Variants in SPIDR observed in about 807,000 individuals in gnomAD.
SPIDR encodes the protein scaffold protein involved in DNA repair.
Under a neutral mutation model 104.6 loss-of-function variants are expected in SPIDR, and 93 were observed. The observed-to-expected ratio is 0.89, with a 90% CI of 0.75 to 1.06. The LOEUF (loss-of-function observed/expected upper bound fraction) is 1.06, where lower values mean the gene tolerates loss of function less well. SPIDR is among the 50% of genes least tolerant of loss of function. SPIDR has a pLI of 0.00. For missense variants in SPIDR, 1,154 were observed against 1,111.2 expected (o/e 1.04, Z -0.55); for synonymous variants, 431 against 416.9 (o/e 1.03, Z -0.41).
chr8:47,605,475 A>G (rs1013170736), intron 10 of SPIDR, among the ~76,000 whole-genome samples: 1 of 152,238 alleles, frequency 6.6e-6, no homozygotes, highest in Non-Finnish European at 1.5e-5. Flanking sequence ...CCAAATTTAC[A>G]TAGAACAAAA....
At chr8:47,413,273 T>A (rs2154328427) in intron 7 of SPIDR, among the ~76,000 whole-genome samples, 1 of 152,370 alleles carries the variant, frequency 6.6e-6, no homozygotes. Context: ...GGAGATGGAA[T>A]GCTAATTCTG....
intron 5 of SPIDR, among the ~76,000 whole-genome samples, chr8:47,351,585 G>T (rs2053516853): frequency 6.6e-6 from 1 of 152,140 alleles, no homozygotes. Flanking sequence ...AATTTTGAAA[G>T]CATAACTTTT....
chr8:47,563,328 C>T (rs1325191206), intron 8 of SPIDR, among the ~76,000 whole-genome samples: 1 of 152,064 alleles, frequency 6.6e-6, no homozygotes, highest in African/African-American at 2.4e-5. Context: ...CACCATGACA[C>T]CTGACTCATT....
At chr8:47,699,725 T>C (rs985357097) in intron 11 of SPIDR, among the ~76,000 whole-genome samples, 5 of 152,206 alleles carry the variant, frequency 3.3e-5, no homozygotes, top group Non-Finnish European at 5.9e-5. Flanking sequence ...CGGCTAATTT[T>C]TGTATTTTTA....
At chr8:47,287,694 A>C (rs2154233773) in intron 3 of SPIDR, among the ~76,000 whole-genome samples, 1 of 152,314 alleles carries the variant, frequency 6.6e-6, no homozygotes, top group South Asian at 2.1e-4. Flanking sequence ...CTGACCCCAA[A>C]GGCCATCAGA....
At chr8:47,564,017 C>T (rs371280897) in intron 8 of SPIDR, among the ~76,000 whole-genome samples, 2 of 151,262 alleles carry the variant, frequency 1.3e-5, no homozygotes, top group Admixed American at 1.3e-4. Context: ...TATACTTAGC[C>T]ATTATTTAGT....
rs185146838 is a variant in SPIDR at position 47,312,660 on chromosome 8, A to G, written c.525+18630A>G. ...AGGTAGGTTGCGAAAATTTTCTCCC[A>G]TTTTGTAGGTTGCCTGTTCACTCTG... On this transcript the variant is annotated intron_variant, in intron 5 of 19. Coordinates refer to ENST00000297423, the MANE Select transcript of SPIDR (RefSeq NM_001080394.4). Among the ~76,000 whole-genome samples, 16 of 152,060 alleles carry G rather than the reference A, an allele frequency of 1.1e-4. No individual in the cohort carries two copies. The East Asian group carries it at 2.7e-3, about 26-fold the overall frequency.
chr8:47,455,806 A>T (rs1586006466), intron 8 of SPIDR, among the ~76,000 whole-genome samples: 1 of 152,192 alleles, frequency 6.6e-6, no homozygotes, highest in Non-Finnish European at 1.5e-5. Flanking sequence ...GCAAAAACAT[A>T]AAATAATTTT....
At chr8:47,278,483 C>A (rs1180179171) in intron 1 of SPIDR, among the ~76,000 whole-genome samples, 1 of 152,080 alleles carries the variant, frequency 6.6e-6, no homozygotes, top group Non-Finnish European at 1.5e-5. Context: ...CCATGCCTGG[C>A]TAATTCTAAA....
Position 47,343,738 on chromosome 8 carries a change from G to A in SPIDR, c.525+49708G>A, listed in dbSNP as rs981190088. Among the ~76,000 whole-genome samples the A allele has an allele frequency of 8.9e-4, 136 of 152,180 alleles. 1 individual carries two copies. The highest frequency in any genetic ancestry group is 3.4e-3 in the Middle Eastern group (1 of 294). ...CGGGCAGGGATTTAAACAGAACCTG[G>A]GCTTCTCCTGCCAGTCCTTCCCTTT... On this transcript the variant is annotated intron_variant, in intron 5 of 19. Coordinates refer to ENST00000297423, the MANE Select transcript of SPIDR (RefSeq NM_001080394.4).
chr8:47,395,661 A>G (rs2061168482), intron 5 of SPIDR, among the ~76,000 whole-genome samples: 1 of 152,292 alleles, frequency 6.6e-6, no homozygotes, highest in East Asian at 1.9e-4. Context: ...AGAATTAGCC[A>G]TATAATTTTT....
At chr8:47,489,453 A>C (rs1554736438) in intron 8 of SPIDR, among the ~76,000 whole-genome samples, 1 of 152,226 alleles carries the variant, frequency 6.6e-6, no homozygotes, top group African/African-American at 2.4e-5. Flanking sequence ...ATTCAGTGCC[A>C]TCCCCATCAA....
chr8:47,355,271 TAAAAAAAA>T (rs34902790), intron 5 of SPIDR, among the ~76,000 whole-genome samples: 3 of 116,558 alleles, frequency 2.6e-5, no homozygotes, highest in African/African-American at 9.9e-5. Context: ...AGGTTTTTTG[TAAAAAAAA>T]AAAAAAAAAA....
intron 8 of SPIDR, among the ~76,000 whole-genome samples, chr8:47,479,795 G>C (rs1187020734): frequency 1.3e-5 from 2 of 152,182 alleles, no homozygotes; most frequent in South Asian, 2.1e-4. Flanking sequence ...GGGAAGTAAG[G>C]CTTATCAGTT....
chr8:47,657,731 C>T (rs1364873092), intron 10 of SPIDR, among the ~76,000 whole-genome samples: 2 of 151,944 alleles, frequency 1.3e-5, no homozygotes, highest in Admixed American at 6.6e-5. Flanking sequence ...ATAAAAATTT[C>T]AATTAATAAA....
intron 5 of SPIDR, among the ~76,000 whole-genome samples, chr8:47,385,506 T>C (rs531027525): frequency 3.4e-4 from 52 of 152,364 alleles, no homozygotes; most frequent in Non-Finnish European, 6.9e-4. Flanking sequence ...AGAGAATTGA[T>C]AGGTTAAAAG....
In SPIDR at chr8:47,729,898, T is replaced by A. The variant is rs1035398995; in HGVS notation, c.2604+433T>A. On this transcript the variant is annotated intron_variant, in intron 19 of 19. Transcript: ENST00000297423. ...CACTCCCAGCTAATTTTTGTATTTT[T>A]AGTAGAGATGGGGTTTCACCATGCT... Among the ~76,000 whole-genome samples, 5 of 152,122 alleles carry A rather than the reference T, an allele frequency of 3.3e-5. No homozygotes were observed. In the East Asian group the frequency reaches 9.6e-4, roughly 29 times the overall value.
At chr8:47,652,750 A>AT (rs1452930983) in intron 10 of SPIDR, among the ~76,000 whole-genome samples, 4 of 152,166 alleles carry the variant, frequency 2.6e-5, no homozygotes, top group African/African-American at 9.6e-5. Flanking sequence ...AGGCAGTTTG[A>AT]TTTTTTTATT....
chr8:47,340,359 C>T (rs543308113), intron 5 of SPIDR, among the ~76,000 whole-genome samples: 8 of 152,196 alleles, frequency 5.3e-5, no homozygotes, highest in African/African-American at 1.9e-4. Context: ...AATCCCAGCA[C>T]TTTGGGAGGC....
Sources: allele counts gnomAD v4.1 joint callset (sites outside exome capture counted in the v4.1 genomes callset), GRCh38; gene constraint gnomAD v4.1.1; transcripts MANE v1.5; gene names NCBI Gene and HGNC (gene_info 2026-07-23, HGNC 2026-07-21).